Variants in EPHB1 observed in about 807,000 individuals in gnomAD.
EPHB1 encodes EPH receptor B1.
EPHB1 carries 30 observed loss-of-function variants against 94.4 expected under a neutral mutation model. That is an observed-to-expected ratio of 0.32 (90% CI 0.24 to 0.43). The LOEUF (loss-of-function observed/expected upper bound fraction) is 0.43. Among genes scored for constraint, EPHB1 ranks in the 20% least tolerant of loss-of-function variants. EPHB1 has a pLI of 1.00. For missense variants in EPHB1, 1,055 were observed against 1,308.3 expected, an observed-to-expected ratio of 0.81 and a Z score of 2.99; for synonymous variants, 522 against 489.1, an observed-to-expected ratio of 1.07 and a Z score of -0.89.
intron 9 of EPHB1, among the ~76,000 whole-genome samples, chr3:135,175,058 C>CCTGGATAGAAGCATTCACT (rs1481186344): frequency 4.6e-5 from 7 of 152,124 alleles, no homozygotes; most frequent in Non-Finnish European, 1.0e-4. Context: ...GCACAGGAGG[C>CCTGGATAGAAGCATTCACT]CTGGATAGAA....
intron 1 of EPHB1, among the ~76,000 whole-genome samples, chr3:134,912,893 G>T (rs563379776): frequency 1.3e-5 from 2 of 152,334 alleles, no homozygotes; most frequent in Admixed American, 1.3e-4. Flanking sequence ...GCACATGTGG[G>T]CATGAAAGGG....
At chr3:135,177,641 C>T (rs1225428835) in intron 9 of EPHB1, among the ~76,000 whole-genome samples, 1 of 152,210 alleles carries the variant, frequency 6.6e-6, no homozygotes, top group African/African-American at 2.4e-5. Flanking sequence ...GGCTGCCTTC[C>T]TTTCCCTATC....
chr3:134,889,612 T>G (rs927900766), intron 1 of EPHB1, among the ~76,000 whole-genome samples: 8 of 152,192 alleles, frequency 5.3e-5, no homozygotes, highest in Admixed American at 3.3e-4. Flanking sequence ...TAATATCTGC[T>G]AAGACTATTT....
At chr3:135,060,445 AT>A (rs1937465294) in intron 3 of EPHB1, among the ~76,000 whole-genome samples, 1 of 152,116 alleles carries the variant, frequency 6.6e-6, no homozygotes, top group South Asian at 2.1e-4. Context: ...CTTTTGGGTT[AT>A]TTCTATTTTT....
At chr3:134,847,241 C>T (rs1199164167) in intron 1 of EPHB1, among the ~76,000 whole-genome samples, 4 of 152,200 alleles carry the variant, frequency 2.6e-5, no homozygotes, top group East Asian at 1.9e-4. Context: ...CAGGGCAAGG[C>T]GGGGCTCCAC....
chr3:135,234,821 G>C (rs1371740506), intron 12 of EPHB1, among the ~76,000 whole-genome samples: 1 of 152,202 alleles, frequency 6.6e-6, no homozygotes, highest in African/African-American at 2.4e-5. Context: ...AACAGCATGA[G>C]AGTAATCACC....
chr3:134,816,899 C>T (rs886999458), intron 1 of EPHB1, among the ~76,000 whole-genome samples: 2 of 152,036 alleles, frequency 1.3e-5, no homozygotes, highest in South Asian at 2.1e-4. Flanking sequence ...CACTCACCCT[C>T]AGTGTGAGCA....
intron 1 of EPHB1, among the ~76,000 whole-genome samples, chr3:134,845,614 C>T (rs1449773896): frequency 2.1e-5 from 3 of 146,086 alleles, no homozygotes; most frequent in Non-Finnish European, 4.5e-5. Context: ...GAGAGTCAGG[C>T]GTGCAGAGAG....
At chr3:135,018,732 A>T (rs1308216959) in intron 3 of EPHB1, among the ~76,000 whole-genome samples, 2 of 152,170 alleles carry the variant, frequency 1.3e-5, no homozygotes, top group Non-Finnish European at 2.9e-5. Context: ...GGACACAAAC[A>T]GTGTCTCATT....
intron 7 of EPHB1, among the ~76,000 whole-genome samples, chr3:135,163,863 T>G (rs1015664112): frequency 6.6e-6 from 1 of 152,170 alleles, no homozygotes; most frequent in Non-Finnish European, 1.5e-5. Context: ...TTATGTTCAC[T>G]GGGGCAGCAG....
chr3:135,063,278 A>G (rs1937539337), intron 3 of EPHB1, among the ~76,000 whole-genome samples: 1 of 152,132 alleles, frequency 6.6e-6, no homozygotes, highest in Non-Finnish European at 1.5e-5. Context: ...GCCTTTGGCA[A>G]TATGGTCATT....
At chr3:134,900,309 T>C (rs930323734) in intron 1 of EPHB1, among the ~76,000 whole-genome samples, 3 of 152,246 alleles carry the variant, frequency 2.0e-5, no homozygotes, top group East Asian at 3.8e-4. Flanking sequence ...AAAGTGCCTG[T>C]GCTTGCTGGC....
At chr3:135,165,762 T>G (rs1941636077) in intron 7 of EPHB1, among the ~76,000 whole-genome samples, 1 of 152,226 alleles carries the variant, frequency 6.6e-6, no homozygotes, top group Non-Finnish European at 1.5e-5. Flanking sequence ...GGCTGTTTTG[T>G]TTTCATTGTC....
At position 134,882,761 on chromosome 3, in the gene EPHB1, C is replaced by CTTTCTTTTTTCTTTCTTTCTTT. The variant is rs59448814; in HGVS notation, c.59-43055_59-43054insTTTCTTTTTTCTTTCTTTCTTT. Among the ~76,000 whole-genome samples, 7 of 31,288 alleles carry CTTTCTTTTTTCTTTCTTTCTTT rather than the reference C, an allele frequency of 2.2e-4. No homozygotes were observed. In the East Asian group the frequency reaches 8.1e-3, roughly 36 times the overall value. The allele number at this position is 31,288 out of a possible 152,430, so 20.5% of individuals were successfully genotyped here. A position where few individuals can be genotyped will look rare whatever the true frequency, so the allele number is the denominator to read the frequency against. ...TTCCTTCTTTCTTCCTTTCTTCCTT[C>CTTTCTTTTTTCTTTCTTTCTTT]CTTCCTTTCTTTCTTTCTTTCTTTC... On this transcript the variant is annotated intron_variant, in intron 1 of 15. Transcript: ENST00000398015.
chr3:135,058,985 G>A (rs887167517), intron 3 of EPHB1, among the ~76,000 whole-genome samples: 1 of 152,110 alleles, frequency 6.6e-6, no homozygotes, highest in African/African-American at 2.4e-5. Flanking sequence ...TTGGAGAAGG[G>A]GTTTTGGAGA....
chr3:135,197,588 T>C (rs1942656892), intron 11 of EPHB1, among the ~76,000 whole-genome samples: 1 of 152,240 alleles, frequency 6.6e-6, no homozygotes, highest in South Asian at 2.1e-4. Flanking sequence ...TTTCCTGAAG[T>C]GGATTCGTCA....
At chr3:135,108,389 G>A (rs1040463366) in intron 4 of EPHB1, among the ~76,000 whole-genome samples, 24 of 152,212 alleles carry the variant, frequency 1.6e-4, no homozygotes, top group African/African-American at 5.5e-4. Context: ...AGTGCTACAA[G>A]TGTTAATTTA....
At chr3:135,061,449 G>A (rs1050876198) in intron 3 of EPHB1, among the ~76,000 whole-genome samples, 1 of 139,526 alleles carries the variant, frequency 7.2e-6, no homozygotes, top group Non-Finnish European at 1.5e-5. Context: ...CCACTTATGA[G>A]TGAGAACATA....
At chr3:135,006,363 T>C (rs1175852491) in intron 3 of EPHB1, among the ~76,000 whole-genome samples, 4 of 152,176 alleles carry the variant, frequency 2.6e-5, no homozygotes, top group Admixed American at 6.5e-5. Context: ...GAATTTCGTG[T>C]TGGGGATGAT....
Sources: allele counts gnomAD v4.1 joint callset (sites outside exome capture counted in the v4.1 genomes callset), GRCh38; gene constraint gnomAD v4.1.1; transcripts MANE v1.5; gene names NCBI Gene and HGNC (gene_info 2026-07-23, HGNC 2026-07-21).